ZNF385B: variants seen among roughly 807,000 people sequenced by gnomAD.
ZNF385B encodes the protein zinc finger protein 533.
A neutral mutation model predicts 39.2 loss-of-function variants in ZNF385B; 23 were observed. That is an observed-to-expected ratio of 0.59 (90% confidence interval 0.42 to 0.83). The LOEUF is 0.83. Among genes scored for constraint, ZNF385B ranks in the 40% least tolerant of loss-of-function variants. ZNF385B has a pLI of 0.00. For synonymous variants in ZNF385B, 205 were observed against 222.6 expected (o/e 0.92, Z 0.70); for missense variants, 552 against 598.9 (o/e 0.92, Z 0.82).
chr2:179,537,193 T>C (rs555075474), intron 4 of ZNF385B, among the ~76,000 whole-genome samples: 1 of 151,002 alleles, frequency 6.6e-6, no homozygotes, highest in East Asian at 2.0e-4. Context: ...TTCCAGCTAC[T>C]AGGGAGGCTG....
intron 1 of ZNF385B, among the ~76,000 whole-genome samples, chr2:179,825,651 A>G (rs1707638381): frequency 6.6e-6 from 1 of 152,132 alleles, no homozygotes; most frequent in South Asian, 2.1e-4. Context: ...GTTAAGGAGT[A>G]ATGATGTTTT....
chr2:179,737,861 G>A (rs2106443427), intron 3 of ZNF385B, among the ~76,000 whole-genome samples: 1 of 152,316 alleles, frequency 6.6e-6, no homozygotes, highest in African/African-American at 2.4e-5. Context: ...TTGTGGTGGA[G>A]CTGCGCTTTG....
rs1327401827 is a variant in ZNF385B, at chr2:179,443,332, G to A, written c.1379C>T (p.Pro460Leu). 6.2e-7 allele frequency: 1 copy of A among 1,612,936 alleles called. No homozygotes were observed. The highest frequency in any genetic ancestry group is 8.5e-7 in the Non-Finnish European group (1 of 1,179,842). Reference sequence around the variant, plus strand: ...CCTCAGAAGAGCTGGAGGAATGGCTGGAGCCTGGAAGAGCGAGGCAGAGGG... The same window carrying A: ...CCTCAGAAGAGCTGGAGGAATGGCTAGAGCCTGGAAGAGCGAGGCAGAGGG... ...PRPSASLFQA[P>L]AIPPALLRPG... The change falls in exon 10 of 10, where the codon CCA becomes CTA. Residue 460 changes from proline to leucine, a missense_variant. Pro to Leu is a moderately conservative substitution (Grantham distance 98). Coordinates refer to ENST00000410066, the MANE Select transcript of ZNF385B (RefSeq NM_152520.6).
At chr2:179,642,593 T>G (rs996625520) in intron 3 of ZNF385B, among the ~76,000 whole-genome samples, 4 of 152,166 alleles carry the variant, frequency 2.6e-5, no homozygotes, top group Non-Finnish European at 5.9e-5. Flanking sequence ...TCAGAAGTTC[T>G]TCAAAGAGAA....
chr2:179,444,503 GA>G (rs1215150612), intron 9 of ZNF385B, among the ~76,000 whole-genome samples: 2 of 152,136 alleles, frequency 1.3e-5, no homozygotes, highest in Non-Finnish European at 2.9e-5. Context: ...AAAGCATGAG[GA>G]TATTAAATTA....
At chr2:179,782,683 A>C (rs1364922964) in intron 1 of ZNF385B, among the ~76,000 whole-genome samples, 1 of 152,212 alleles carries the variant, frequency 6.6e-6, no homozygotes, top group East Asian at 1.9e-4. Context: ...CTTATACACC[A>C]ATAATAGCCA....
At chr2:179,842,629 C>A (rs1017929490) in intron 1 of ZNF385B, among the ~76,000 whole-genome samples, 2 of 152,024 alleles carry the variant, frequency 1.3e-5, no homozygotes, top group Non-Finnish European at 2.9e-5. Context: ...TATGTTCCTA[C>A]AAAATGTCAC....
chr2:179,647,624 G>A (rs1358805195), intron 3 of ZNF385B, among the ~76,000 whole-genome samples: 1 of 152,170 alleles, frequency 6.6e-6, no homozygotes, highest in African/African-American at 2.4e-5. Context: ...AGTTCCCAGG[G>A]ATAGGGGAAA....
chr2:179,453,889 C>A (rs1559246673), intron 6 of ZNF385B, among the ~76,000 whole-genome samples: 1 of 152,170 alleles, frequency 6.6e-6, no homozygotes, highest in Admixed American at 6.6e-5. Flanking sequence ...AGTCAGACAG[C>A]ATCTGGACAT....
intron 5 of ZNF385B, among the ~76,000 whole-genome samples, chr2:179,497,711 C>A (rs1559346563): frequency 6.6e-6 from 1 of 151,982 alleles, no homozygotes; most frequent in Non-Finnish European, 1.5e-5. Context: ...AGGAGTAAGT[C>A]CTTACTTATC....
intron 6 of ZNF385B, among the ~76,000 whole-genome samples, chr2:179,461,721 T>C (rs1171496062): frequency 6.6e-6 from 1 of 152,148 alleles, no homozygotes; most frequent in Non-Finnish European, 1.5e-5. Flanking sequence ...CTTATTGACT[T>C]TAAGAACCAA....
intron 1 of ZNF385B, among the ~76,000 whole-genome samples, chr2:179,782,286 C>T (rs990679477): frequency 6.6e-6 from 1 of 152,060 alleles, no homozygotes; most frequent in South Asian, 2.1e-4. Context: ...CTTCAACACC[C>T]CTTCATGTTA....
chr2:179,858,312 A>C (rs1236876617), intron 1 of ZNF385B, among the ~76,000 whole-genome samples: 1 of 152,200 alleles, frequency 6.6e-6, no homozygotes, highest in Non-Finnish European at 1.5e-5. Flanking sequence ...ACTTAGGAGA[A>C]AGATGTTAAT....
chr2:179,534,685 T>C (rs2059451343), intron 4 of ZNF385B: 1 of 152,148 alleles, frequency 6.6e-6, no homozygotes, highest in African/African-American at 2.4e-5. Context: ...TTTTTCCCTA[T>C]ACAATGAAGT....
At chr2:179,663,804 C>T (rs1473861697) in intron 3 of ZNF385B, among the ~76,000 whole-genome samples, 4 of 151,028 alleles carry the variant, frequency 2.6e-5, no homozygotes, top group Admixed American at 1.3e-4. Context: ...GCTAGCTATG[C>T]GTCAGGCATC....
At chr2:179,488,164 A>C (rs2054806279) in intron 5 of ZNF385B, among the ~76,000 whole-genome samples, 1 of 151,102 alleles carries the variant, frequency 6.6e-6, no homozygotes, top group Non-Finnish European at 1.5e-5. Flanking sequence ...TTTTTTTTTG[A>C]GACGGAGCCT....
intron 3 of ZNF385B, among the ~76,000 whole-genome samples, chr2:179,547,169 G>A (rs2060287925): frequency 6.7e-6 from 1 of 149,514 alleles, no homozygotes; most frequent in Admixed American, 6.7e-5. Context: ...TCTGTGGGTT[G>A]CCTCTTCACT....
chr2:179,548,862 TG>T (rs2060396006), intron 3 of ZNF385B, among the ~76,000 whole-genome samples: 1 of 149,592 alleles, frequency 6.7e-6, no homozygotes, highest in East Asian at 1.9e-4. Flanking sequence ...AGATGAGGTT[TG>T]GGCTAAACCA....
At chr2:179,691,614 T>A (rs1698360454) in intron 3 of ZNF385B, among the ~76,000 whole-genome samples, 1 of 152,160 alleles carries the variant, frequency 6.6e-6, no homozygotes, top group Admixed American at 6.5e-5. Context: ...TCATCGCATA[T>A]CTCTACTTAC....
Sources: gnomAD v4.1 joint callset for allele counts (sites outside exome capture counted in the v4.1 genomes callset) on GRCh38, gnomAD v4.1.1 for gene constraint, MANE v1.5 for transcripts, NCBI Gene and HGNC (gene_info 2026-07-23, HGNC 2026-07-21) for gene names.